The following OR2B11 variants were observed in gnomAD, a reference collection of about 807,000 sequenced individuals.
The protein encoded by OR2B11 is olfactory receptor 2B11.
For missense variants in OR2B11, 422 were observed against 400.0 expected (o/e 1.05, Z -0.47); for synonymous variants, 198 against 174.5 (o/e 1.13, Z -1.06).
Position 247,451,247 on chromosome 1 carries a change from A to C in OR2B11, c.736T>G (p.Ser246Ala). The change falls in exon 2 of 2, where the codon TCC becomes GCC. Residue 246 changes from serine to alanine, a missense_variant. By Grantham distance (99) the Ser-to-Ala change is moderately conservative. Transcript: ENST00000641149. The stretch of plus-strand genomic sequence containing the variant: ...AGGGAGACGATCATCAGGTGGGAGG[A>C]ACACGTCCCAAAGGCCTTGTGTCGT... ...KGRHKAFGTC[S>A]SHLMIVSLFY... is the part of the protein sequence containing the mutation. The C allele has an allele frequency of 6.2e-7, 1 of 1,608,096 alleles. No individual in the cohort carries two copies. The highest frequency in any genetic ancestry group is 8.5e-7 in the Non-Finnish European group (1 of 1,175,308).
In OR2B11 at chr1:247,457,961, C is replaced by T. The variant is rs1381804941; in HGVS notation, c.-3405G>A. 6.6e-6 allele frequency: 1 copy of T among 152,154 alleles called. No homozygotes were observed. Among genetic ancestry groups the T allele is most frequent in the African/African-American group, 2.4e-5 (1 of 41,416 alleles). The allele number at this position is 152,154 out of a possible 1,614,324, so 9.4% of individuals were successfully genotyped here. ...GTGAGGTCGGTGGAACTGCCTTAACCTTAGTCCCCCAGAGTGCCTATAGGT... is the reference window on the plus strand; with the variant it reads ...GTGAGGTCGGTGGAACTGCCTTAACTTTAGTCCCCCAGAGTGCCTATAGGT... On this transcript the variant is annotated 5_prime_UTR_variant, in exon 1 of 2. Coordinates refer to ENST00000641149, the MANE Select transcript of OR2B11 (RefSeq NM_001004492.2).
In OR2B11 at chr1:247,452,033, A is replaced by G. The variant is rs773629826; in HGVS notation, c.-51T>C. On this transcript the variant is annotated 5_prime_UTR_variant, in exon 2 of 2. Coordinates refer to ENST00000641149, the MANE Select transcript of OR2B11 (RefSeq NM_001004492.2). ...GCAAATTGAGAAAATTGGAATGAAT[A>G]ATACCTGAGAAGAGGAATTGATCAC... 2 of 1,088,532 alleles carry G rather than the reference A, an allele frequency of 1.8e-6. No individual in the cohort carries two copies. The highest frequency in any genetic ancestry group is 2.8e-6 in the Non-Finnish European group (2 of 712,814). The allele number at this position is 1,088,532 out of a possible 1,614,324, so 67.4% of individuals were successfully genotyped here.
chr1:247,456,158 G>A (rs939902465), intron 1 of OR2B11, among the ~76,000 whole-genome samples: 7 of 152,214 alleles, frequency 4.6e-5, no homozygotes, highest in African/African-American at 1.2e-4. Context: ...AGTTCACCTC[G>A]TTCAGGGACT....
In OR2B11 at chr1:247,451,784, G is replaced by C; in HGVS notation, c.199C>G (p.Leu67Val). The C allele has an allele frequency of 3.1e-6, 5 of 1,614,206 alleles. No individual in the cohort carries two copies. Among genetic ancestry groups the C allele is most frequent in the Non-Finnish European group, 4.2e-6 (5 of 1,180,036 alleles). The change falls in exon 2 of 2, where the codon CTC (leucine) becomes GTC (valine). Residue 67 changes from leucine (L) to valine (V), a missense_variant. Leu to Val is a conservative substitution (Grantham distance 32, BLOSUM62 1). Transcript: ENST00000641149. Reference protein sequence around the residue: ...PQLHSPMYIFLSHLSFLDLCY... With the variant: ...PQLHSPMYIFVSHLSFLDLCY... Reference sequence around the variant, plus strand: ...AGGTCCAGGAAGGACAGGTGACTGAGGAAGATGTACATGGGGCTGTGGAGT... The same window carrying C: ...AGGTCCAGGAAGGACAGGTGACTGACGAAGATGTACATGGGGCTGTGGAGT...
intron 1 of OR2B11, among the ~76,000 whole-genome samples, chr1:247,457,179 TCTGA>T (rs148667036): frequency 0.023 from 3,559 of 151,998 alleles, 122 homozygotes; most frequent in African/African-American, 0.077. Context: ...TTTTATGTGG[TCTGA>T]CTTTTTCAGA....
rs767594904 is a variant in OR2B11, at chr1:247,451,431, C to T, written c.552G>A (p.Glu184=). The T allele has an allele frequency of 1.9e-6, 3 of 1,614,158 alleles. No homozygotes were observed. Among genetic ancestry groups the T allele is most frequent in the East Asian group, 2.2e-5 (1 of 44,868 alleles). Residue 184 remains glutamate (E), a synonymous_variant, in exon 2 of 2, where the codon GAG becomes GAA. Coordinates refer to ENST00000641149, the MANE Select transcript of OR2B11 (RefSeq NM_001004492.2). The part of the protein sequence containing the change: ...GRQVLNNFFC[E]VPAVIKLSCA... ...ACGACAGCTTGATCACGGCCGGCAC[C>T]TCACAGAAAAAGTTGTTCAGCACCT...
rs114218884 is a variant in OR2B11 at position 247,449,443 on chromosome 1, A to G, written c.*1586T>C. The stretch of plus-strand genomic sequence containing the variant: ...TATACTTCACAGAGCATTAAGTTAT[A>G]AGGAAATATTTACTAATTGCTTCTC... On this transcript the variant is annotated 3_prime_UTR_variant, in exon 2 of 2. Transcript: ENST00000641149. The G allele has an allele frequency of 5.7e-4, 87 of 152,322 alleles. No homozygotes were observed. The highest frequency in any genetic ancestry group is 2.1e-3 in the African/African-American group (86 of 41,568). The allele number at this position is 152,322 out of a possible 1,614,324, so 9.4% of individuals were successfully genotyped here.
Position 247,450,634 on chromosome 1 carries a change from A to G in OR2B11, c.*395T>C, listed in dbSNP as rs1443020529. The G allele has an allele frequency of 6.4e-6, 1 of 156,692 alleles. No individual in the cohort carries two copies. Among genetic ancestry groups the G allele is most frequent in the Non-Finnish European group, 1.4e-5 (1 of 71,274 alleles). The allele number at this position is 156,692 out of a possible 1,614,324, so 9.7% of individuals were successfully genotyped here. ...TGGAGATTTAAGTATATGGAGAAAA[A>G]CACTTATTCATTGTAAGTAAAATAA... On this transcript the variant is annotated 3_prime_UTR_variant, in exon 2 of 2. Coordinates refer to ENST00000641149, the MANE Select transcript of OR2B11 (RefSeq NM_001004492.2).
rs774030305 is a variant in OR2B11 at position 247,451,186 on chromosome 1, G to A, written c.797C>T (p.Pro266Leu). ...CTGCTCTTGGGAGTAGCTGGAAGGGGGCTGCAGATACATGTAAATCGCAGG... is the reference window on the plus strand; with the variant it reads ...CTGCTCTTGGGAGTAGCTGGAAGGGAGCTGCAGATACATGTAAATCGCAGG... ...YLPAIYMYLQ[P>L]PSSYSQEQGK... is the part of the protein sequence containing the mutation. Residue 266 changes from proline (P) to leucine (L), a missense_variant, in exon 2 of 2, where the codon CCC (proline) becomes CTC (leucine). Physicochemically the swap from Pro to Leu is moderately conservative, Grantham distance 98. Coordinates refer to ENST00000641149, the MANE Select transcript of OR2B11 (RefSeq NM_001004492.2). The A allele has an allele frequency of 1.9e-6, 3 of 1,567,088 alleles. No individual in the cohort carries two copies. The highest frequency in any genetic ancestry group is 2.6e-6 in the Non-Finnish European group (3 of 1,154,558).
At position 247,451,263 on chromosome 1, in the gene OR2B11, C is replaced by T. The variant is rs1033482031; in HGVS notation, c.720G>A (p.Lys240=). ...LRIQSSKGRH[K]AFGTCSSHLM... is the part of the protein sequence containing the mutation. Reference sequence around the variant, plus strand: ...GGTGGGAGGAACACGTCCCAAAGGCCTTGTGTCGTCCCTTGGAGGACTGGA... The same window carrying T: ...GGTGGGAGGAACACGTCCCAAAGGCTTTGTGTCGTCCCTTGGAGGACTGGA... Residue 240 remains lysine, a synonymous_variant, in exon 2 of 2, where the codon AAG becomes AAA. Transcript: ENST00000641149. 5.6e-6 allele frequency: 9 copies of T among 1,613,300 alleles called. No individual in the cohort carries two copies. The highest frequency in any genetic ancestry group is 6.8e-6 in the Non-Finnish European group (8 of 1,179,526).
In OR2B11 at chr1:247,457,691, T is replaced by C. The variant is rs1257250239; in HGVS notation, c.-3135A>G. 6.6e-6 allele frequency: 1 copy of C among 152,196 alleles called. No homozygotes were observed. Among genetic ancestry groups the C allele is most frequent in the Admixed American group, 6.5e-5 (1 of 15,286 alleles). The allele number at this position is 152,196 out of a possible 1,614,324, so 9.4% of individuals were successfully genotyped here. On this transcript the variant is annotated 5_prime_UTR_variant, in exon 1 of 2. Coordinates refer to ENST00000641149, the MANE Select transcript of OR2B11 (RefSeq NM_001004492.2). ...ACTTGCTTTAGGACTGAAGGCTATATTGCAGTCTGTGTTGGCCTTAGTCGC... is the reference window on the plus strand; with the variant it reads ...ACTTGCTTTAGGACTGAAGGCTATACTGCAGTCTGTGTTGGCCTTAGTCGC...
In OR2B11 at chr1:247,451,352, C is replaced by A. The variant is rs569352082; in HGVS notation, c.631G>T (p.Val211Leu). The change falls in exon 2 of 2, where the codon GTG becomes TTG. Residue 211 changes from valine (V) to leucine (L), a missense_variant. Coordinates refer to ENST00000641149, the MANE Select transcript of OR2B11 (RefSeq NM_001004492.2). ...TILAVLVAFF[V>L]LVPLALILLS... ...AGGATGAGAGCCAGGGGCACCAACA[C>A]GAAGAAGGCCACCAGCACAGCCAGT... 2 of 1,614,152 alleles carry A rather than the reference C, an allele frequency of 1.2e-6. No individual in the cohort carries two copies. The highest frequency in any genetic ancestry group is 1.7e-5 in the Admixed American group (1 of 60,026).
intron 1 of OR2B11, among the ~76,000 whole-genome samples, chr1:247,455,820 G>A (rs759851854): frequency 4.6e-5 from 7 of 152,084 alleles, no homozygotes; most frequent in South Asian, 2.1e-4. Context: ...TTCCCTTCAT[G>A]TCCCACCTCT....
chr1:247,455,522 T>A (rs1664949455), intron 1 of OR2B11, among the ~76,000 whole-genome samples: 1 of 152,210 alleles, frequency 6.6e-6, no homozygotes, highest in Admixed American at 6.5e-5. Flanking sequence ...TAAGAGCCCC[T>A]TTCTCCTTAT....
chr1:247,454,897 A>G lies in OR2B11; in HGVS notation c.-2915T>C, dbSNP rs1190441063. The G allele has an allele frequency of 6.6e-6, 1 of 152,170 alleles. No individual in the cohort carries two copies. Among genetic ancestry groups the G allele is most frequent in the East Asian group, 1.9e-4 (1 of 5,186 alleles). 9.4% of individuals were successfully genotyped at this position (152,170 alleles called of 1,614,324 possible). On this transcript the variant is annotated 5_prime_UTR_variant, in exon 2 of 2. Transcript: ENST00000641149. The stretch of plus-strand genomic sequence containing the variant: ...CTGAGACTCAGGCCTTAAGGCAAAG[A>G]TATCTTTAGGTGTTTCAATTACCAA...
At chr1:247,455,125 C>G (rs945412460) in intron 1 of OR2B11, 61 bp from the exon 2 acceptor site, 1 of 152,160 alleles carries the variant, frequency 6.6e-6, no homozygotes, top group Non-Finnish European at 1.5e-5. Flanking sequence ...TCATCTACCT[C>G]TTATCCCTGA....
Position 247,449,853 on chromosome 1 carries a change from C to T in OR2B11, c.*1176G>A, listed in dbSNP as rs1413798153. The T allele has an allele frequency of 6.6e-6, 1 of 152,184 alleles. No individual in the cohort carries two copies. Among genetic ancestry groups the T allele is most frequent in the Non-Finnish European group, 1.5e-5 (1 of 68,022 alleles). The allele number at this position is 152,184 out of a possible 1,614,324, so 9.4% of individuals were successfully genotyped here. On this transcript the variant is annotated 3_prime_UTR_variant, in exon 2 of 2. Coordinates refer to ENST00000641149, the MANE Select transcript of OR2B11 (RefSeq NM_001004492.2). ...TATATAAATAATGTAATCAGAAACACATAGCTGAGCTTGAAAGAGAGAAAG... is the reference window on the plus strand; with the variant it reads ...TATATAAATAATGTAATCAGAAACATATAGCTGAGCTTGAAAGAGAGAAAG...
chr1:247,451,919 A>T lies in OR2B11; in HGVS notation c.64T>A (p.Ser22Thr), dbSNP rs1005873971. 1.2e-6 allele frequency: 2 copies of T among 1,613,782 alleles called. No individual in the cohort carries two copies. Among genetic ancestry groups the T allele is most frequent in the Non-Finnish European group, 8.5e-7 (1 of 1,179,958 alleles). The change falls in exon 2 of 2, where the codon TCT becomes ACT. Residue 22 changes from serine (S) to threonine (T), a missense_variant. Physicochemically the swap from Ser to Thr is moderately conservative, Grantham distance 58 (BLOSUM62 1). Coordinates refer to ENST00000641149, the MANE Select transcript of OR2B11 (RefSeq NM_001004492.2). ...GGGAGTTCCAGCCACGGCCTGTCAGACACACCCAGAAGGATGAAGGCTTTA... is the reference window on the plus strand; with the variant it reads ...GGGAGTTCCAGCCACGGCCTGTCAGTCACACCCAGAAGGATGAAGGCTTTA... ...SPKAFILLGVSDRPWLELPLF... is the reference protein window; with the variant it reads ...SPKAFILLGVTDRPWLELPLF...
rs892548268 is a variant in OR2B11 at position 247,452,968 on chromosome 1, A to G, written c.-986T>C. The G allele has an allele frequency of 1.3e-5, 2 of 152,210 alleles. No homozygotes were observed. The highest frequency in any genetic ancestry group is 4.8e-5 in the African/African-American group (2 of 41,440). The allele number at this position is 152,210 out of a possible 1,614,324, so 9.4% of individuals were successfully genotyped here. A position where few individuals can be genotyped will look rare whatever the true frequency, so the allele number is the denominator to read the frequency against. ...ATTTCTGAAACCATTGCTGTTAGGA[A>G]GCAACTGGGTTGCCACCTGCTGATT... On this transcript the variant is annotated 5_prime_UTR_variant, in exon 2 of 2. Transcript: ENST00000641149.
Sources: gnomAD v4.1 joint callset for allele counts (sites outside exome capture counted in the v4.1 genomes callset) on GRCh38, gnomAD v4.1.1 for gene constraint, MANE v1.5 for transcripts, NCBI Gene and HGNC (gene_info 2026-07-23, HGNC 2026-07-21) for gene names.